Variants in UGT8 observed in about 807,000 individuals in gnomAD.
The protein encoded by UGT8 is 2-hydroxyacylsphingosine 1-beta-galactosyltransferase.
Under a neutral mutation model 40.5 loss-of-function variants are expected in UGT8, and 12 were observed. The ratio of observed to expected loss-of-function variants is 0.30; its 90% CI spans 0.19 to 0.48. UGT8 has a LOEUF of 0.48. Among genes scored for constraint, UGT8 ranks in the 20% least tolerant of loss-of-function variants. The pLI is 0.99. For synonymous variants in UGT8, 224 were observed against 240.4 expected, an observed-to-expected ratio of 0.93 and a Z score of 0.63; for missense variants, 513 against 648.7, an observed-to-expected ratio of 0.79 and a Z score of 2.27.
intron 1 of UGT8, 106 bp from the exon 2 acceptor site, chr4:114,622,773 C>G (rs1231093198): frequency 2.0e-6 from 2 of 978,890 alleles, no homozygotes; most frequent in Non-Finnish European, 2.9e-6. Context: ...TTTTTTTAGA[C>G]AAAGTATTAG....
chr4:114,639,784 T>C (rs949391214), intron 2 of UGT8, among the ~76,000 whole-genome samples: 5 of 152,198 alleles, frequency 3.3e-5, no homozygotes, highest in Non-Finnish European at 2.9e-5. Flanking sequence ...AAATAAATTG[T>C]GTTAAGTACT....
Position 114,624,505 on chromosome 4 carries a change from A to T in UGT8, c.822+803A>T, listed in dbSNP as rs540460650. Among the ~76,000 whole-genome samples the T allele has an allele frequency of 1.3e-4, 20 of 152,278 alleles. No individual in the cohort carries two copies. The East Asian group carries it at 3.3e-3, about 25-fold the overall frequency. Reference sequence around the variant, plus strand: ...TCAACATCAGATCCCATTTACTAGGAAGTGTAGGGCTTGTTGCAGGACTTT... The same window carrying T: ...TCAACATCAGATCCCATTTACTAGGTAGTGTAGGGCTTGTTGCAGGACTTT... On this transcript the variant is annotated intron_variant, in intron 2 of 5. Coordinates refer to ENST00000310836, the MANE Select transcript of UGT8 (RefSeq NM_001128174.3).
rs1293679236 is a variant in UGT8 at position 114,676,853 on chromosome 4, C to T, written c.*565C>T. 41 of 143,028 alleles carry T rather than the reference C, an allele frequency of 2.9e-4. No individual in the cohort carries two copies. The highest frequency in any genetic ancestry group is 1.0e-3 in the African/African-American group (40 of 38,612). The allele number at this position is 143,028 out of a possible 1,614,324, so 8.9% of individuals were successfully genotyped here. A position where few individuals can be genotyped will look rare whatever the true frequency, so the allele number is the denominator to read the frequency against. ...GAACACTTCCCCCCAAAACTGGATG[C>T]AGAGGAAGAAAAAAAAAAAAGAAAT... On this transcript the variant is annotated 3_prime_UTR_variant, in exon 6 of 6. Transcript: ENST00000310836.
In UGT8 at chr4:114,676,034, C is replaced by T; in HGVS notation, c.1372C>T (p.His458Tyr). The change falls in exon 6 of 6, where the codon CAT becomes TAT. Residue 458 changes from histidine (H) to tyrosine (Y), a missense_variant. By Grantham distance (83) the His-to-Tyr change is moderately conservative (BLOSUM62 2). Around this residue, in one of 3 missense-constraint regions of UGT8, gnomAD observed 175 missense variants for 186.7 expected, o/e 0.94. Coordinates refer to ENST00000310836, the MANE Select transcript of UGT8 (RefSeq NM_001128174.3). ...IDYIIRHNGAHHLRAAVHQIS... is the reference protein window; with the variant it reads ...IDYIIRHNGAYHLRAAVHQIS... Reference sequence around the variant, plus strand: ...TTATATTATTCGTCACAATGGAGCCCATCACCTACGTGCCGCTGTCCATCA... The same window carrying T: ...TTATATTATTCGTCACAATGGAGCCTATCACCTACGTGCCGCTGTCCATCA... 6.2e-7 allele frequency: 1 copy of T among 1,614,194 alleles called. No homozygotes were observed. The highest frequency in any genetic ancestry group is 8.5e-7 in the Non-Finnish European group (1 of 1,180,032).
At chr4:114,611,505 T>C (rs1731081183) in intron 1 of UGT8, among the ~76,000 whole-genome samples, 1 of 125,210 alleles carries the variant, frequency 8.0e-6, no homozygotes, top group Admixed American at 9.2e-5. Context: ...TAGATATCTA[T>C]ATATAAGATA....
In UGT8 at chr4:114,676,048, C is replaced by T. The variant is rs368880208; in HGVS notation, c.1386C>T (p.Ala462=). ...IRHNGAHHLR[A]AVHQISFCQY... ...ACAATGGAGCCCATCACCTACGTGC[C>T]GCTGTCCATCAGATCTCCTTTTGTC... Residue 462 remains alanine (A), a synonymous_variant, in exon 6 of 6, where the codon GCC becomes GCT. Coordinates refer to ENST00000310836, the MANE Select transcript of UGT8 (RefSeq NM_001128174.3). 1.6e-5 allele frequency: 26 copies of T among 1,614,048 alleles called. No homozygotes were observed. The highest frequency in any genetic ancestry group is 2.7e-5 in the African/African-American group (2 of 74,912).
At chr4:114,659,115 G>A (rs1734365363) in intron 2 of UGT8, among the ~76,000 whole-genome samples, 1 of 152,072 alleles carries the variant, frequency 6.6e-6, no homozygotes, top group Non-Finnish European at 1.5e-5. Flanking sequence ...GGCAATACTA[G>A]AAACAAATCA....
intron 1 of UGT8, among the ~76,000 whole-genome samples, chr4:114,615,622 A>G (rs1731360470): frequency 6.6e-6 from 1 of 152,038 alleles, no homozygotes; most frequent in African/African-American, 2.4e-5. Context: ...TTGTTGTTAC[A>G]CCTTTTCTGG....
At chr4:114,651,195 T>C (rs552370777) in intron 2 of UGT8, among the ~76,000 whole-genome samples, 1 of 152,102 alleles carries the variant, frequency 6.6e-6, no homozygotes, top group Admixed American at 6.6e-5. Context: ...TACTTCCTCA[T>C]TTTTTTCAAT....
intron 1 of UGT8, among the ~76,000 whole-genome samples, chr4:114,614,554 AGC>A (rs1731282750): frequency 6.6e-6 from 1 of 152,226 alleles, no homozygotes; most frequent in South Asian, 2.1e-4. Context: ...TTTGACCAAA[AGC>A]TTCTGACAGG....
intron 2 of UGT8, among the ~76,000 whole-genome samples, chr4:114,646,757 T>C (rs1733596156): frequency 6.6e-6 from 1 of 152,206 alleles, no homozygotes; most frequent in Admixed American, 6.5e-5. Context: ...AATTCATGAT[T>C]ATGATGTAGT....
intron 1 of UGT8, among the ~76,000 whole-genome samples, chr4:114,605,759 G>T (rs538619762): frequency 6.6e-6 from 1 of 152,064 alleles, no homozygotes; most frequent in Admixed American, 6.5e-5. Flanking sequence ...TTGAAAAGCT[G>T]TATATAAACT....
chr4:114,646,487 C>T (rs1733579863), intron 2 of UGT8, among the ~76,000 whole-genome samples: 1 of 152,026 alleles, frequency 6.6e-6, no homozygotes, highest in Non-Finnish European at 1.5e-5. Context: ...TCAAGAGTAT[C>T]ATGGGCATAA....
At chr4:114,620,923 T>C (rs1731745248) in intron 1 of UGT8, among the ~76,000 whole-genome samples, 1 of 152,206 alleles carries the variant, frequency 6.6e-6, no homozygotes, top group South Asian at 2.1e-4. Context: ...TTTGGTTATA[T>C]GTGTGTTGGT....
intron 2 of UGT8, among the ~76,000 whole-genome samples, chr4:114,663,407 G>A (rs574099422): frequency 2.6e-5 from 4 of 152,090 alleles, no homozygotes; most frequent in African/African-American, 7.2e-5. Flanking sequence ...TCAACGTGCC[G>A]TGGCTCTATT....
chr4:114,642,146 A>T (rs1302609662), intron 2 of UGT8, among the ~76,000 whole-genome samples: 1 of 152,146 alleles, frequency 6.6e-6, no homozygotes, highest in Non-Finnish European at 1.5e-5. Context: ...ATAGAATTGT[A>T]AGGTCAGATG....
intron 1 of UGT8, among the ~76,000 whole-genome samples, chr4:114,611,521 A>G (rs1731083579): frequency 2.0e-5 from 1 of 51,230 alleles, no homozygotes; most frequent in Non-Finnish European, 4.5e-5. Flanking sequence ...AGATAGCCGT[A>G]TATATCCATA....
rs939032234 is a variant in UGT8, at chr4:114,668,100, A to G, written c.1058A>G (p.Lys353Arg). Reference protein sequence around the residue: ...QNDLLGHSKIKAFLSHGGLNS... With the variant: ...QNDLLGHSKIRAFLSHGGLNS... ...CTTTCTTCAGGGCATTCAAAGATTA[A>G]AGCCTTCCTGAGCCATGGTGGTTTG... is the stretch of plus-strand genomic sequence containing the variant. The change falls in exon 5 of 6, where the codon AAA becomes AGA. Residue 353 changes from lysine (K) to arginine (R), a missense_variant. By Grantham distance (26) the Lys-to-Arg change is conservative (BLOSUM62 2). Coordinates refer to ENST00000310836, the MANE Select transcript of UGT8 (RefSeq NM_001128174.3). 5 of 1,613,480 alleles carry G rather than the reference A, an allele frequency of 3.1e-6. No individual in the cohort carries two copies. The highest frequency in any genetic ancestry group is 4.2e-6 in the Non-Finnish European group (5 of 1,179,632).
upstream of UGT8, chr4:114,598,495 G>C (rs1214111674): frequency 6.6e-6 from 1 of 152,240 alleles, no homozygotes; most frequent in Non-Finnish European, 1.5e-5. Context: ...GGATCCCAAC[G>C]CGCTGCCCCT....
Sources: gnomAD v4.1 joint callset for allele counts (sites outside exome capture counted in the v4.1 genomes callset) on GRCh38, gnomAD v4.1.1 for gene constraint, gnomAD v4.1.1 regional missense constraint, MANE v1.5 for transcripts, NCBI Gene and HGNC (gene_info 2026-07-23, HGNC 2026-07-21) for gene names.